Variants in PRR5 observed in about 807,000 individuals in gnomAD.
PRR5 encodes the protein proline rich 5, also known as proline-rich protein 5.
PRR5 carries 25 observed loss-of-function variants against 30.6 expected under a neutral mutation model. That is an observed-to-expected ratio of 0.82 (90% CI 0.60 to 1.14). The LOEUF is 1.14. Among genes scored for constraint, PRR5 ranks in the 50% most tolerant of loss-of-function variants. The pLI is 0.00. For synonymous variants in PRR5, 286 were observed against 247.1 expected (o/e 1.16, Z -1.48); for missense variants, 600 against 547.1 (o/e 1.10, Z -0.96).
At chr22:44,730,992 G>A (rs930669068) in intron 4 of PRR5, 4 of 422,516 alleles carry the variant, frequency 9.5e-6, no homozygotes, top group Non-Finnish European at 2.0e-5. Flanking sequence ...CCCAGCATCA[G>A]CGCCAGCACA....
rs1601956148 is a variant in PRR5 at position 44,684,997 on chromosome 22, G to C, written c.-11+7757G>C. On this transcript the variant is annotated intron_variant, in intron 1 of 8. Coordinates refer to the PRR5 transcript ENST00000006251. ...AGTAGGCGCTCCTGGTGGCCGCTGGGGTTACTGACCGTGGGAAGCGTGTAG... is the reference window on the plus strand; with the variant it reads ...AGTAGGCGCTCCTGGTGGCCGCTGGCGTTACTGACCGTGGGAAGCGTGTAG... 2.0e-5 allele frequency among the ~76,000 whole-genome samples: 3 copies of C among 152,294 alleles called. No homozygotes were observed. The East Asian group carries it at 5.8e-4, about 29-fold the overall frequency.
At chr22:44,679,826 G>A (rs1924100965) in intron 1 of PRR5, 1 of 1,598,912 alleles carries the variant, frequency 6.3e-7, no homozygotes, top group Admixed American at 1.7e-5. Flanking sequence ...TTTCACAGAG[G>A]GAAGCCTGGG....
At chr22:44,731,543 G>A (rs1030032644) in intron 4 of PRR5, 187 bp from the exon 5 acceptor site, 1 of 613,006 alleles carries the variant, frequency 1.6e-6, no homozygotes, top group Non-Finnish European at 2.9e-6. Flanking sequence ...GAAGACTGAG[G>A]TTAAGCAGTG....
intron 1 of PRR5, among the ~76,000 whole-genome samples, chr22:44,695,637 C>T (rs1005213443): frequency 6.6e-6 from 1 of 152,046 alleles, no homozygotes; most frequent in African/African-American, 2.4e-5. Flanking sequence ...TTGCTCCTGC[C>T]ACCCAGGCTG....
chr22:44,703,102 G>T (rs373786027), intron 1 of PRR5, among the ~76,000 whole-genome samples: 27 of 152,308 alleles, frequency 1.8e-4, no homozygotes, highest in African/African-American at 5.3e-4. Flanking sequence ...CTGTCAGCAG[G>T]GGGTGCGGCA....
intron 1 of PRR5, among the ~76,000 whole-genome samples, chr22:44,670,829 A>G (rs573990393): frequency 6.3e-4 from 96 of 152,160 alleles, no homozygotes; most frequent in Non-Finnish European, 1.0e-3. Context: ...AGACACCAGG[A>G]GGGGTGGGTG....
upstream of PRR5, among the ~76,000 whole-genome samples, chr22:44,674,953 AAAAG>A (rs896132901): frequency 4.2e-5 from 6 of 143,550 alleles, no homozygotes; most frequent in East Asian, 2.1e-4. Flanking sequence ...CTCAAAAAAA[AAAAG>A]AAAGAAAGAG....
At chr22:44,728,675 C>T (rs964526960) in intron 4 of PRR5, among the ~76,000 whole-genome samples, 35 of 152,346 alleles carry the variant, frequency 2.3e-4, no homozygotes, top group Admixed American at 1.4e-3. Context: ...TCCTGATGGG[C>T]GGCCTCAGGG....
intron 1 of PRR5, among the ~76,000 whole-genome samples, chr22:44,704,315 G>C (rs1301368231): frequency 2.0e-5 from 3 of 152,080 alleles, no homozygotes; most frequent in Non-Finnish European, 4.4e-5. Flanking sequence ...CCCCGAGGTG[G>C]GGCGTCCTGC....
intron 2 of PRR5, among the ~76,000 whole-genome samples, chr22:44,715,076 C>T (rs1024328938): frequency 4.6e-5 from 7 of 152,190 alleles, no homozygotes; most frequent in Admixed American, 1.3e-4. Flanking sequence ...GTGTTATTCC[C>T]GGAAAAGCAA....
upstream of PRR5, among the ~76,000 whole-genome samples, chr22:44,697,735 C>G (rs1056263601): frequency 4.4e-4 from 67 of 152,228 alleles, no homozygotes; most frequent in African/African-American, 1.5e-3. Context: ...CCGCAGGGCT[C>G]CAGCCTCAGC....
intron 1 of PRR5, among the ~76,000 whole-genome samples, chr22:44,692,190 GGCTCCTCCTCCCAC>G (rs1406305333): frequency 6.8e-5 from 10 of 148,078 alleles, no homozygotes; most frequent in Admixed American, 2.0e-4. Context: ...CTCCACCCGG[GGCTCCTCCTCCCAC>G]GCTCCTCCAC....
upstream of PRR5, among the ~76,000 whole-genome samples, chr22:44,676,567 G>A (rs866004166): frequency 6.6e-6 from 1 of 152,086 alleles, no homozygotes; most frequent in African/African-American, 2.4e-5. Flanking sequence ...CCAGCAGGAT[G>A]GGGGGTTCGA....
rs113174550 is a variant in PRR5 at position 44,736,718 on chromosome 22, G to T, written c.692-54G>T. ...TGTGCAGTGAGCAGCAGGTGCCAAG[G>T]CGGGCGGGGACCCAGGTGGCCTCTG... On this transcript the variant is annotated intron_variant, in intron 7 of 7. Coordinates refer to ENST00000336985, the MANE Select transcript of PRR5 (RefSeq NM_181333.4). 36 of 1,511,012 alleles carry T rather than the reference G, an allele frequency of 2.4e-5. No homozygotes were observed. The African/African-American group carries it at 2.9e-4, about 12-fold the overall frequency. 93.6% of individuals were successfully genotyped at this position (1,511,012 alleles called of 1,614,324 possible).
chr22:44,704,394 G>C (rs1040315011), intron 1 of PRR5, among the ~76,000 whole-genome samples: 2 of 152,092 alleles, frequency 1.3e-5, no homozygotes, highest in Non-Finnish European at 2.9e-5. Context: ...CCCAACCTTG[G>C]GTGACCCTGG....
At chr22:44,697,789 C>A (rs558742327), upstream of PRR5, among the ~76,000 whole-genome samples, 1 of 152,336 alleles carries the variant, frequency 6.6e-6, no homozygotes, top group Admixed American at 6.5e-5. Context: ...GCCTCGGCCT[C>A]CCTGGGCCTC....
upstream of PRR5, among the ~76,000 whole-genome samples, chr22:44,699,936 T>G (rs1441261927): frequency 2.6e-3 from 3 of 1,160 alleles, no homozygotes; most frequent in East Asian, 0.083. Flanking sequence ...TTGTTTTTGT[T>G]TTTTTTTTTA....
chr22:44,702,167 G>A (rs1456825504), upstream of PRR5: 6 of 468,276 alleles, frequency 1.3e-5, no homozygotes, highest in Non-Finnish European at 1.7e-5. Context: ...CCGGGGCGCC[G>A]AGACCCGCCC....
intron 2 of PRR5, among the ~76,000 whole-genome samples, chr22:44,720,325 A>G (rs1929737243): frequency 6.6e-6 from 1 of 152,236 alleles, no homozygotes; most frequent in South Asian, 2.1e-4. Flanking sequence ...TTCTGTAGAA[A>G]GGATGTCTGT....
Sources: allele counts gnomAD v4.1 joint callset (sites outside exome capture counted in the v4.1 genomes callset), GRCh38; gene constraint gnomAD v4.1.1; transcripts MANE v1.5; gene names NCBI Gene and HGNC (gene_info 2026-07-23, HGNC 2026-07-21).